Variants in TRMT11 observed in about 807,000 individuals in gnomAD.
The protein encoded by TRMT11 is tRNA methyltransferase 11.
TRMT11 carries 53 observed loss-of-function variants against 62.8 expected under a neutral mutation model. The ratio of observed to expected loss-of-function variants is 0.84; its 90% confidence interval spans 0.68 to 1.06. The LOEUF (loss-of-function observed/expected upper bound fraction) is 1.06. Ranked by LOEUF, TRMT11 falls within the 50% of genes least tolerant of loss-of-function variation. The pLI is 0.00. For missense variants in TRMT11, 556 were observed against 553.4 expected, an observed-to-expected ratio of 1.00 and a Z score of -0.05; for synonymous variants, 188 against 190.3, an observed-to-expected ratio of 0.99 and a Z score of 0.10.
chr6:126,242,019 T>G, the TRMT11 span, among the ~76,000 whole-genome samples: 3,356 of 152,184 alleles, frequency 0.022, 136 homozygotes, highest in African/African-American at 0.077. Context: ...TGACATGATT[T>G]TATATCTAGA....
the TRMT11 span, among the ~76,000 whole-genome samples, chr6:126,227,889 T>C: frequency 6.6e-6 from 1 of 152,066 alleles, no homozygotes; most frequent in Non-Finnish European, 1.5e-5. Context: ...TAAAGACAAC[T>C]GAGAATAAGG....
intron 21 of TRMT11, among the ~76,000 whole-genome samples, chr6:126,151,874 C>CTTT (rs1459413861): frequency 1.8e-4 from 14 of 79,646 alleles, no homozygotes; most frequent in East Asian, 2.9e-4. Flanking sequence ...TTCCTTCTTT[C>CTTT]TCCTTCCTTC....
At chr6:126,180,978 A>G (rs1286821318) in intron 1 of TRMT11, among the ~76,000 whole-genome samples, 1 of 152,236 alleles carries the variant, frequency 6.6e-6, no homozygotes, top group Non-Finnish European at 1.5e-5. Flanking sequence ...TTTTATATTT[A>G]CGTAATAAGT....
chr6:126,150,716 G>A (rs957007391), intron 21 of TRMT11, among the ~76,000 whole-genome samples: 4 of 152,140 alleles, frequency 2.6e-5, no homozygotes, highest in Non-Finnish European at 5.9e-5. Context: ...AAAAACATTA[G>A]TGTTTCAGCG....
chr6:126,195,701 T>G (rs1778657844), intron 1 of TRMT11, among the ~76,000 whole-genome samples: 1 of 152,200 alleles, frequency 6.6e-6, no homozygotes, highest in Admixed American at 6.5e-5. Flanking sequence ...TCATCAGCCC[T>G]GGGGGTGACT....
intron 17 of TRMT11, among the ~76,000 whole-genome samples, chr6:126,096,601 T>C (rs1777344025): frequency 6.6e-6 from 1 of 152,078 alleles, no homozygotes; most frequent in Admixed American, 6.5e-5. Context: ...ATGCTCACCA[T>C]GGGCATTAGG....
chr6:126,258,606 A>G, the TRMT11 span, among the ~76,000 whole-genome samples: 2 of 152,340 alleles, frequency 1.3e-5, no homozygotes, highest in African/African-American at 4.8e-5. Flanking sequence ...ATTTAATCTG[A>G]GTATGTTGTA....
At chr6:126,025,995 T>C (rs1773003981) in intron 12 of TRMT11, among the ~76,000 whole-genome samples, 1 of 152,220 alleles carries the variant, frequency 6.6e-6, no homozygotes, top group Non-Finnish European at 1.5e-5. Context: ...CAGACTTGCT[T>C]ATGGCACATA....
chr6:126,201,343 G>A (rs1330171733), intron 3 of TRMT11, among the ~76,000 whole-genome samples: 2 of 152,204 alleles, frequency 1.3e-5, no homozygotes, highest in Non-Finnish European at 2.9e-5. Flanking sequence ...TGGACAAATT[G>A]CTTTCCTTAG....
At chr6:126,035,468 T>G (rs976858673) in intron 12 of TRMT11, among the ~76,000 whole-genome samples, 1 of 152,126 alleles carries the variant, frequency 6.6e-6, no homozygotes, top group African/African-American at 2.4e-5. Context: ...AAAGGGGACA[T>G]TTTAGCACAG....
At chr6:126,201,453 C>A (rs1312102309) in intron 3 of TRMT11, among the ~76,000 whole-genome samples, 1 of 152,212 alleles carries the variant, frequency 6.6e-6, no homozygotes, top group African/African-American at 2.4e-5. Flanking sequence ...CCATATGGGA[C>A]CATTGCCTTC....
chr6:126,113,179 C>T (rs1777551161), intron 18 of TRMT11, among the ~76,000 whole-genome samples: 1 of 151,954 alleles, frequency 6.6e-6, no homozygotes, highest in Admixed American at 6.6e-5. Flanking sequence ...CGTTATGTTC[C>T]CCCATATTGA....
At chr6:126,008,828 G>T in intron 8 of TRMT11, 1 of 348,376 alleles carries the variant, frequency 2.9e-6, no homozygotes, top group South Asian at 2.0e-5. Flanking sequence ...GTGAGGAGTG[G>T]GCACCCCAAC....
chr6:126,092,463 C>T (rs1375824325), intron 17 of TRMT11, among the ~76,000 whole-genome samples: 1 of 152,148 alleles, frequency 6.6e-6, no homozygotes, highest in Non-Finnish European at 1.5e-5. Context: ...ACCATGAGAA[C>T]AGTATGGGGG....
the TRMT11 span, among the ~76,000 whole-genome samples, chr6:126,265,473 G>A: frequency 7.2e-3 from 1,096 of 151,846 alleles, 6 homozygotes; most frequent in Non-Finnish European, 0.01. Flanking sequence ...ATTTACTCAT[G>A]ACTAGCAACT....
chr6:126,266,206 A>T, the TRMT11 span, among the ~76,000 whole-genome samples: 1 of 152,182 alleles, frequency 6.6e-6, no homozygotes, highest in Non-Finnish European at 1.5e-5. Flanking sequence ...AGTGCGTGTT[A>T]TATCTTCCCT....
intron 16 of TRMT11, among the ~76,000 whole-genome samples, chr6:126,045,260 AC>A (rs887371526): frequency 2.0e-5 from 3 of 152,096 alleles, no homozygotes; most frequent in African/African-American, 7.2e-5. Flanking sequence ...TTTGTATGTG[AC>A]CTAGGAGTAT....
At chr6:126,259,136 C>T in the TRMT11 span, among the ~76,000 whole-genome samples, 1 of 152,116 alleles carries the variant, frequency 6.6e-6, no homozygotes, top group Non-Finnish European at 1.5e-5. Context: ...CCATCTAGTT[C>T]CTGTAAAGGA....
At chr6:126,196,504 T>G (rs1459971111) in intron 1 of TRMT11, among the ~76,000 whole-genome samples, 1 of 152,028 alleles carries the variant, frequency 6.6e-6, no homozygotes, top group East Asian at 1.9e-4. Context: ...TTTTTAATAA[T>G]TTACAACTTT....
Sources: allele counts gnomAD v4.1 joint callset (sites outside exome capture counted in the v4.1 genomes callset), GRCh38; gene constraint gnomAD v4.1.1; transcripts MANE v1.5; gene names NCBI Gene and HGNC (gene_info 2026-07-23, HGNC 2026-07-21).